Variants in TBCCD1 observed in about 807,000 individuals in gnomAD.
TBCCD1 encodes TBCC domain-containing protein 1.
A neutral mutation model predicts 53.4 loss-of-function variants in TBCCD1; 26 were observed. That is an observed-to-expected ratio of 0.49 (90% CI 0.36 to 0.68). The LOEUF is 0.68. Among genes scored for constraint, TBCCD1 ranks in the 30% least tolerant of loss-of-function variants. TBCCD1 has a pLI of 0.00. For missense variants in TBCCD1, 558 were observed against 669.5 expected (o/e 0.83, Z 1.84); for synonymous variants, 245 against 241.7 (o/e 1.01, Z -0.13).
chr3:186,561,716 G>A (rs764288861), intron 2 of TBCCD1, among the ~76,000 whole-genome samples: 1 of 152,124 alleles, frequency 6.6e-6, no homozygotes. Context: ...GTGAACCTGG[G>A]AGGTGGAGCT....
In TBCCD1 at chr3:186,563,889, CTCTGTT is replaced by C. The variant is rs1714750587; in HGVS notation, c.336+99_336+104del. 6.8e-5 allele frequency: 92 copies of C among 1,356,208 alleles called. No homozygotes were observed. The South Asian group carries it at 1.3e-3, about 19-fold the overall frequency. 84.0% of individuals were successfully genotyped at this position (1,356,208 alleles called of 1,614,324 possible). On this transcript the variant is annotated intron_variant, in intron 2 of 7. Transcript: ENST00000338733. ...GACCAGCCTGGGCAACAAAGTGAAA[CTCTGTT>C]TCTATCTAAAAATTGTAATAAGCAA...
At chr3:186,568,905 GAA>G (rs1315274828), upstream of TBCCD1, among the ~76,000 whole-genome samples, 11 of 135,374 alleles carry the variant, frequency 8.1e-5, 1 homozygote, top group South Asian at 2.3e-3. Flanking sequence ...TCTGTCTCAG[GAA>G]AAAAAAAGAA....
At chr3:186,565,972 T>C (rs1374232056) in intron 1 of TBCCD1, among the ~76,000 whole-genome samples, 2 of 152,152 alleles carry the variant, frequency 1.3e-5, no homozygotes, top group East Asian at 1.9e-4. Context: ...AAATCAATTA[T>C]ATGACTGATG....
chr3:186,552,654 C>A (rs185905416), intron 6 of TBCCD1, among the ~76,000 whole-genome samples: 30 of 152,300 alleles, frequency 2.0e-4, no homozygotes, highest in Non-Finnish European at 3.8e-4. Context: ...TCCAGATAGT[C>A]CTGCTTCCTA....
chr3:186,550,092 T>A (rs755101727), intron 7 of TBCCD1, among the ~76,000 whole-genome samples: 2 of 151,884 alleles, frequency 1.3e-5, no homozygotes, highest in Non-Finnish European at 2.9e-5. Context: ...CTGGGCACGG[T>A]GGTGCGTGCC....
Position 186,556,488 on chromosome 3 carries a change from C to G in TBCCD1, c.780G>C (p.Leu260Phe). ...ATGGATTCCCAGTCAAACAGGACCT[C>G]AACCAGGTTTCCAGTTTGTAGAAAG... ...TFSFYKLETW[L>F]RSCLTGNPFG... is the part of the protein sequence containing the mutation. The change falls in exon 4 of 8, where the codon TTG (leucine) becomes TTC (phenylalanine). Residue 260 changes from leucine to phenylalanine, a missense_variant. Transcript: ENST00000338733. The G allele has an allele frequency of 6.2e-7, 1 of 1,610,248 alleles. No individual in the cohort carries two copies. The highest frequency in any genetic ancestry group is 8.5e-7 in the Non-Finnish European group (1 of 1,179,270).
intron 3 of TBCCD1, among the ~76,000 whole-genome samples, chr3:186,557,100 T>C (rs1714565738): frequency 6.6e-6 from 1 of 152,188 alleles, no homozygotes. Context: ...CAATTTCAAA[T>C]GTATAGCAAT....
chr3:186,558,356 G>A, intron 3 of TBCCD1, 61 bp downstream of exon 3: 3 of 1,539,062 alleles, frequency 1.9e-6, no homozygotes, highest in Non-Finnish European at 2.6e-6. Context: ...TTTAATGCAA[G>A]TGAACCATCT....
chr3:186,564,884 T>C (rs1477627665), intron 1 of TBCCD1, among the ~76,000 whole-genome samples: 3 of 152,192 alleles, frequency 2.0e-5, no homozygotes, highest in Non-Finnish European at 2.9e-5. Flanking sequence ...ACTGCAAGAA[T>C]AGATCAGGAG....
intron 3 of TBCCD1, among the ~76,000 whole-genome samples, chr3:186,557,094 T>C (rs1006332542): frequency 2.0e-5 from 3 of 152,130 alleles, no homozygotes; most frequent in Non-Finnish European, 4.4e-5. Flanking sequence ...TCTGGCCAAT[T>C]TCAAATGTAT....
chr3:186,559,727 G>T (rs2108461316), intron 2 of TBCCD1, among the ~76,000 whole-genome samples: 1 of 152,202 alleles, frequency 6.6e-6, no homozygotes, highest in East Asian at 1.9e-4. Flanking sequence ...TTTCTTAATT[G>T]AACTTCTGAG....
chr3:186,553,162 A>G (rs1280043179), intron 6 of TBCCD1, among the ~76,000 whole-genome samples: 1 of 152,318 alleles, frequency 6.6e-6, no homozygotes, highest in East Asian at 1.9e-4. Context: ...CACCACTTGA[A>G]AACACTGACT....
rs1232887148 is a variant in TBCCD1 at position 186,567,294 on chromosome 3, A to C, written c.-71T>G. ...GCTAATGCAGGCGCCGCTCCGCCGC[A>C]CTTCTCCGCGCGCCGCCGCGCCCGG... On this transcript the variant is annotated 5_prime_UTR_variant, in exon 1 of 8. Coordinates refer to ENST00000338733, the MANE Select transcript of TBCCD1 (RefSeq NM_018138.5). 6.5e-6 allele frequency: 1 copy of C among 152,804 alleles called. No homozygotes were observed. Among genetic ancestry groups the C allele is most frequent in the East Asian group, 1.9e-4 (1 of 5,180 alleles). The allele number at this position is 152,804 out of a possible 1,614,324, so 9.5% of individuals were successfully genotyped here. A position where few individuals can be genotyped will look rare whatever the true frequency, so the allele number is the denominator to read the frequency against.
upstream of TBCCD1, chr3:186,570,056 T>C (rs1714969793): frequency 1.5e-6 from 1 of 662,378 alleles, no homozygotes; most frequent in African/African-American, 1.8e-5. Context: ...TCAGTTTTGT[T>C]GATAAACTTA....
intron 6 of TBCCD1, among the ~76,000 whole-genome samples, chr3:186,552,112 G>A (rs1714398382): frequency 6.6e-6 from 1 of 152,188 alleles, no homozygotes. Flanking sequence ...AGAAAGAATG[G>A]AGAGAGATGG....
intron 3 of TBCCD1, among the ~76,000 whole-genome samples, chr3:186,557,544 G>A (rs1714576791): frequency 6.6e-6 from 1 of 152,202 alleles, no homozygotes; most frequent in Non-Finnish European, 1.5e-5. Context: ...AGAGCTCTGG[G>A]AAGGACACAA....
chr3:186,569,854 C>T (rs1173849208), upstream of TBCCD1, among the ~76,000 whole-genome samples: 1 of 152,064 alleles, frequency 6.6e-6, no homozygotes, highest in Non-Finnish European at 1.5e-5. Flanking sequence ...ATAAAAACAC[C>T]TAGAGCTTTG....
upstream of TBCCD1, chr3:186,570,036 G>C: frequency 3.1e-6 from 2 of 636,654 alleles, no homozygotes; most frequent in South Asian, 1.7e-5. Flanking sequence ...CTGCCAATAA[G>C]TGCTTTGCCT....
At chr3:186,555,834 G>A (rs1207370732) in intron 4 of TBCCD1, among the ~76,000 whole-genome samples, 4 of 152,090 alleles carry the variant, frequency 2.6e-5, no homozygotes, top group South Asian at 2.1e-4. Flanking sequence ...TTACAGGTGT[G>A]AGCCACCGCA....
Sources: gnomAD v4.1 joint callset for allele counts (sites outside exome capture counted in the v4.1 genomes callset) on GRCh38, gnomAD v4.1.1 for gene constraint, MANE v1.5 for transcripts, NCBI Gene and HGNC (gene_info 2026-07-23, HGNC 2026-07-21) for gene names.